Variants in TPRG1L observed in about 807,000 individuals in gnomAD.
TPRG1L encodes the protein tumor protein p63 regulated 1 like.
In TPRG1L, 25 loss-of-function variants were observed where a neutral mutation model predicts 29.4. The observed-to-expected ratio is 0.85, with a 90% CI of 0.62 to 1.19. The LOEUF (loss-of-function observed/expected upper bound fraction) is 1.19. Among genes scored for constraint, TPRG1L ranks in the 50% most tolerant of loss-of-function variants. The pLI is 0.00. For synonymous variants in TPRG1L, 182 were observed against 151.1 expected, an observed-to-expected ratio of 1.20 and a Z score of -1.50; for missense variants, 354 against 364.4, an observed-to-expected ratio of 0.97 and a Z score of 0.23.
chr1:3,627,412 A>G lies in TPRG1L; in HGVS notation c.471-88A>G. The G allele has an allele frequency of 2.0e-6, 3 of 1,490,832 alleles. No homozygotes were observed. The South Asian group carries it at 3.6e-5, about 18-fold the overall frequency. 92.4% of individuals were successfully genotyped at this position (1,490,832 alleles called of 1,614,324 possible). A position where few individuals can be genotyped will look rare whatever the true frequency, so the allele number is the denominator to read the frequency against. ...GTAAACGTGTGCTTTTTGCTGTCAT[A>G]TTCTCCTAACTGATGAGACTGTCAG... On this transcript the variant is annotated intron_variant, in intron 3 of 4. Coordinates refer to ENST00000378344, the MANE Select transcript of TPRG1L (RefSeq NM_182752.4).
At chr1:3,625,647 G>T (rs987607918) in intron 2 of TPRG1L, 66 bp from the exon 3 acceptor site, 23 of 1,574,624 alleles carry the variant, frequency 1.5e-5, no homozygotes, top group Non-Finnish European at 1.9e-5. Flanking sequence ...CTTCCAGGCG[G>T]GCTGGCCTTG....
chr1:3,627,771 T>A, intron 4 of TPRG1L, 118 bp downstream of exon 4: 2 of 1,305,910 alleles, frequency 1.5e-6, no homozygotes, highest in Non-Finnish European at 2.1e-6. Context: ...GCCGAGCACT[T>A]GAGACGTGGC....
In TPRG1L at chr1:3,625,537, C is replaced by T. The variant is rs747976526; in HGVS notation, c.293+22C>T. On this transcript the variant is annotated intron_variant, in intron 2 of 4. Coordinates refer to ENST00000378344, the MANE Select transcript of TPRG1L (RefSeq NM_182752.4). ...CCGAGTAAGCCGGGGCTGCGCTCTC[C>T]TTGGTGGGGGGACTCGCCCCGAGCC... 25 of 1,580,890 alleles carry T rather than the reference C, an allele frequency of 1.6e-5. No individual in the cohort carries two copies. In the South Asian group the frequency reaches 2.3e-4, roughly 14 times the overall value.
At position 3,627,776 on chromosome 1, in the gene TPRG1L, C is replaced by T. The variant is rs1387693581; in HGVS notation, c.624+123C>T. The T allele has an allele frequency of 1.0e-5, 13 of 1,258,652 alleles. No individual in the cohort carries two copies. In the East Asian group the frequency reaches 2.4e-4, roughly 23 times the overall value. The allele number at this position is 1,258,652 out of a possible 1,614,324, so 78.0% of individuals were successfully genotyped here. A position where few individuals can be genotyped will look rare whatever the true frequency, so the allele number is the denominator to read the frequency against. ...ACGCGGAGCTGCCGAGCACTTGAGA[C>T]GTGGCTAGAAATGAGAGAGGAAGCT... On this transcript the variant is annotated intron_variant, in intron 4 of 4. Transcript: ENST00000378344.
rs1644504039 is a variant in TPRG1L, at chr1:3,628,466, C to T, written c.682C>T (p.Pro228Ser). ...QAVKKAQKESPLPGQANGVLI... is the reference protein window; with the variant it reads ...QAVKKAQKESSLPGQANGVLI... ...TGTCAAAAAAGCCCAAAAAGAAAGC[C>T]CTTTGCCAGGACAGGCGAATGGCGT... The change falls in exon 5 of 5, where the codon CCT (proline) becomes TCT (serine). Residue 228 changes from proline to serine, a missense_variant. Pro to Ser is a moderately conservative substitution (Grantham distance 74, BLOSUM62 -1). Transcript: ENST00000378344. The T allele has an allele frequency of 6.2e-7, 1 of 1,613,816 alleles. No individual in the cohort carries two copies. The highest frequency in any genetic ancestry group is 1.1e-5 in the South Asian group (1 of 91,074).
chr1:3,625,698 C>G lies in TPRG1L; in HGVS notation c.294-15C>G, dbSNP rs1326077996. The G allele has an allele frequency of 6.2e-7, 1 of 1,605,668 alleles. No individual in the cohort carries two copies. Among genetic ancestry groups the G allele is most frequent in the Non-Finnish European group, 8.5e-7 (1 of 1,175,364 alleles). On this transcript the variant is annotated splice_polypyrimidine_tract_variant and intron_variant, in intron 2 of 4. Transcript: ENST00000378344. ...CCGCGTCCAGTGTGGACTGAGGCCC[C>G]TCCTCTGCCTACAGGGTGGATCACT...
At chr1:3,625,299 G>T (rs1644475251) in intron 1 of TPRG1L, 26 bp downstream of exon 1, 1 of 1,433,126 alleles carries the variant, frequency 7.0e-7, no homozygotes, top group Admixed American at 3.1e-5. Flanking sequence ...GGGCCGGGGC[G>T]GGGGCCGAGG....
At position 3,625,153 on chromosome 1, in the gene TPRG1L, AGGCGGCGGCCCG is replaced by A; in HGVS notation, c.87_98del (p.Pro31_Gly34del). On this transcript the variant is annotated inframe_deletion, in exon 1 of 5. Transcript: ENST00000378344. ...TGGCGGCCGGCGAGGAGGTGGGGGC[AGGCGGCGGCCCG>A]GGCGGGGGGCGGCCGGGGGCGGGGA... The A allele has an allele frequency of 8.1e-7, 1 of 1,233,192 alleles. No individual in the cohort carries two copies. The highest frequency in any genetic ancestry group is 3.7e-5 in the South Asian group (1 of 27,246). 76.4% of individuals were successfully genotyped at this position (1,233,192 alleles called of 1,614,324 possible).
chr1:3,625,481 G>A lies in TPRG1L; in HGVS notation c.259G>A (p.Asp87Asn), dbSNP rs902565653. The change falls in exon 2 of 5, where the codon GAC becomes AAC. Residue 87 changes from aspartate (D) to asparagine (N), a missense_variant. Asp to Asn is a conservative substitution (Grantham distance 23, BLOSUM62 1). Coordinates refer to ENST00000378344, the MANE Select transcript of TPRG1L (RefSeq NM_182752.4). ...CCGCGTGGTGGTGCGGCCCGTGGAG[G>A]ACGGCGAGATCCAGGGAGTGTGGCT... ...EIRVVVRPVE[D>N]GEIQGVWLLT... is the part of the protein sequence containing the mutation. 3.1e-6 allele frequency: 5 copies of A among 1,607,710 alleles called. No individual in the cohort carries two copies. Among genetic ancestry groups the A allele is most frequent in the Admixed American group, 3.4e-5 (2 of 59,292 alleles).
chr1:3,628,019 C>T (rs953088168), intron 4 of TPRG1L, among the ~76,000 whole-genome samples: 5 of 152,200 alleles, frequency 3.3e-5, no homozygotes, highest in African/African-American at 7.2e-5. Flanking sequence ...GAGGAGGCCT[C>T]GGGGCTGGGG....
chr1:3,628,491 T>A lies in TPRG1L; in HGVS notation c.707T>A (p.Val236Glu), dbSNP rs1476076398. The change falls in exon 5 of 5, where the codon GTG (valine) becomes GAG (glutamate). Residue 236 changes from valine to glutamate, a missense_variant. By Grantham distance (121) the Val-to-Glu change is moderately radical (BLOSUM62 -2). Transcript: ENST00000378344. ...ESPLPGQANG[V>E]LILERPLLIE... is the part of the protein sequence containing the mutation. ...CCTTTGCCAGGACAGGCGAATGGCG[T>A]GCTGATCCTGGAGCGCCCCCTGCTC... 1.9e-6 allele frequency: 3 copies of A among 1,614,142 alleles called. No homozygotes were observed. The highest frequency in any genetic ancestry group is 2.5e-6 in the Non-Finnish European group (3 of 1,179,996).
intron 3 of TPRG1L, among the ~76,000 whole-genome samples, chr1:3,626,162 C>A (rs887062179): frequency 5.3e-5 from 8 of 152,214 alleles, no homozygotes; most frequent in Admixed American, 4.6e-4. Flanking sequence ...AAGTAGAGCC[C>A]AGCGTGTTAA....
At chr1:3,625,349 C>G in intron 1 of TPRG1L, 75 bp from the exon 2 acceptor site, 1 of 1,532,464 alleles carries the variant, frequency 6.5e-7, no homozygotes, top group Non-Finnish European at 8.8e-7. Context: ...CGGAGGCGGG[C>G]GCCGGGCGGT....
At chr1:3,627,405 C>G in intron 3 of TPRG1L, 95 bp from the exon 4 acceptor site, 1 of 1,404,990 alleles carries the variant, frequency 7.1e-7, no homozygotes. Context: ...GTGCTTTTTG[C>G]TGTCATATTC....
intron 3 of TPRG1L, among the ~76,000 whole-genome samples, chr1:3,626,210 C>G (rs180830594): frequency 8.5e-5 from 13 of 152,244 alleles, no homozygotes; most frequent in Non-Finnish European, 1.8e-4. Context: ...AGTCCAAACT[C>G]TGCATTTTTC....
Position 3,625,819 on chromosome 1 carries a change from C to G in TPRG1L, c.400C>G (p.Arg134Gly). The G allele has an allele frequency of 6.2e-7, 1 of 1,613,626 alleles. No homozygotes were observed. The highest frequency in any genetic ancestry group is 1.1e-5 in the South Asian group (1 of 91,060). ...FISLQCQQVV[R>G]IALNAVDTIS... is the part of the protein sequence containing the mutation. ...CAGTCTCCAGTGCCAGCAGGTGGTGCGGATAGCGCTCAACGCAGTAGACAC... is the reference window on the plus strand; with the variant it reads ...CAGTCTCCAGTGCCAGCAGGTGGTGGGGATAGCGCTCAACGCAGTAGACAC... The change falls in exon 3 of 5, where the codon CGG (arginine) becomes GGG (glycine). Residue 134 changes from arginine to glycine, a missense_variant. Arg to Gly is a moderately radical substitution (Grantham distance 125). Transcript: ENST00000378344.
At chr1:3,625,353 G>A (rs572197968) in intron 1 of TPRG1L, 71 bp from the exon 2 acceptor site, 3 of 1,536,010 alleles carry the variant, frequency 2.0e-6, no homozygotes, top group South Asian at 2.4e-5. Flanking sequence ...GGCGGGCGCC[G>A]GGCGGTCCCG....
intron 3 of TPRG1L, among the ~76,000 whole-genome samples, chr1:3,627,039 G>T (rs987011096): frequency 6.6e-6 from 1 of 152,190 alleles, no homozygotes; most frequent in African/African-American, 2.4e-5. Flanking sequence ...GGCCAGGCAC[G>T]GTGGCTCACG....
rs1247508516 is a variant in TPRG1L, at chr1:3,627,414, TCTC to T, written c.471-83_471-81del. 2.7e-6 allele frequency: 4 copies of T among 1,502,420 alleles called. No individual in the cohort carries two copies. In the African/African-American group the frequency reaches 5.5e-5, roughly 21 times the overall value. The allele number at this position is 1,502,420 out of a possible 1,614,324, so 93.1% of individuals were successfully genotyped here. Reference sequence around the variant, plus strand: ...AAACGTGTGCTTTTTGCTGTCATATTCTCCTAACTGATGAGACTGTCAGATTGT... The same window carrying T: ...AAACGTGTGCTTTTTGCTGTCATATTCTAACTGATGAGACTGTCAGATTGT... On this transcript the variant is annotated intron_variant, in intron 3 of 4. Coordinates refer to ENST00000378344, the MANE Select transcript of TPRG1L (RefSeq NM_182752.4).
Sources: allele counts gnomAD v4.1 joint callset (sites outside exome capture counted in the v4.1 genomes callset), GRCh38; gene constraint gnomAD v4.1.1; transcripts MANE v1.5; gene names NCBI Gene and HGNC (gene_info 2026-07-23, HGNC 2026-07-21).